Variants in DCTD observed in about 807,000 individuals in gnomAD.
The protein encoded by DCTD is dCMP deaminase, also known as deoxycytidylate deaminase.
Under a neutral mutation model 21.0 loss-of-function variants are expected in DCTD, and 23 were observed. The observed-to-expected ratio is 1.09, with a 90% confidence interval of 0.79 to 1.55. The LOEUF (loss-of-function observed/expected upper bound fraction) is 1.55. Among genes scored for constraint, DCTD ranks in the 40% most tolerant of loss-of-function variants. The pLI is 0.00. For missense variants in DCTD, 224 were observed against 230.0 expected (o/e 0.97, Z 0.17); for synonymous variants, 71 against 81.1 (o/e 0.88, Z 0.67).
At chr4:182,905,701 C>T (rs1425840694) in intron 3 of DCTD, among the ~76,000 whole-genome samples, 1 of 152,178 alleles carries the variant, frequency 6.6e-6, no homozygotes, top group Non-Finnish European at 1.5e-5. Context: ...GCTACTCCTA[C>T]TGCCTCTGCA....
intron 3 of DCTD, among the ~76,000 whole-genome samples, chr4:182,901,920 G>A (rs1003246648): frequency 1.3e-5 from 2 of 152,030 alleles, no homozygotes; most frequent in African/African-American, 4.8e-5. Flanking sequence ...GCTAAACCTG[G>A]ACATGTTGTC....
intron 4 of DCTD, among the ~76,000 whole-genome samples, chr4:182,893,707 G>A (rs997192131): frequency 5.9e-5 from 9 of 152,114 alleles, no homozygotes; most frequent in Non-Finnish European, 8.8e-5. Flanking sequence ...CGGACTGCTC[G>A]GCCCACAGGC....
intron 3 of DCTD, among the ~76,000 whole-genome samples, chr4:182,913,010 G>T (rs1356315652): frequency 1.3e-5 from 2 of 152,148 alleles, no homozygotes; most frequent in African/African-American, 4.8e-5. Context: ...GACTGTGGCC[G>T]TCACACAGTT....
chr4:182,914,842 G>A, intron 3 of DCTD, 81 bp downstream of exon 3: 2 of 1,495,570 alleles, frequency 1.3e-6, no homozygotes, highest in East Asian at 4.5e-5. Flanking sequence ...AAAGGGAGAT[G>A]ATGCCTTCTG....
intron 1 of DCTD, chr4:182,916,341 A>G (rs1392296725): frequency 3.1e-6 from 3 of 978,910 alleles, no homozygotes; most frequent in African/African-American, 3.5e-5. Context: ...GGGTCCTAGG[A>G]CTTCAGGGGA....
Position 182,892,983 on chromosome 4 carries a change from T to G in DCTD, c.458+48A>C. The G allele has an allele frequency of 2.6e-6, 3 of 1,141,154 alleles. No individual in the cohort carries two copies. The Admixed American group carries it at 5.3e-5, about 20-fold the overall frequency. 70.7% of individuals were successfully genotyped at this position (1,141,154 alleles called of 1,614,324 possible). A position where few individuals can be genotyped will look rare whatever the true frequency, so the allele number is the denominator to read the frequency against. ...AGACAAGGTCAAATACATCTCTTCA[T>G]CAGCCTTCACCCTACCCCGTCCCCC... On this transcript the variant is annotated intron_variant, in intron 5 of 5. Coordinates refer to ENST00000438320, the MANE Select transcript of DCTD (RefSeq NM_001921.3).
chr4:182,906,782 T>A (rs1460426070), intron 3 of DCTD, among the ~76,000 whole-genome samples: 1 of 152,236 alleles, frequency 6.6e-6, no homozygotes, highest in Admixed American at 6.5e-5. Flanking sequence ...TGCTCAGTTA[T>A]CATATTCAAT....
intron 3 of DCTD, among the ~76,000 whole-genome samples, chr4:182,894,827 C>T (rs1283344079): frequency 6.6e-6 from 1 of 152,238 alleles, no homozygotes; most frequent in Non-Finnish European, 1.5e-5. Context: ...GCGGCCAGGA[C>T]GGCCGAGGTC....
chr4:182,894,491 G>T lies in DCTD; in HGVS notation c.359C>A (p.Ala120Glu). Residue 120 changes from alanine (A) to glutamate (E), a missense_variant and splice_region_variant, in exon 4 of 6, where the codon GCA becomes GAA. Physicochemically the swap from Ala to Glu is moderately radical, Grantham distance 107. Coordinates refer to ENST00000438320, the MANE Select transcript of DCTD (RefSeq NM_001921.3). ...AAATGGAAAGACCCGGTTCCTACCT[G>T]CCTGGATGATGAGCTTAGCGCATTC... Reference protein sequence around the residue: ...CNECAKLIIQAGIKEVIFMSD... With the variant: ...CNECAKLIIQEGIKEVIFMSD... The T allele has an allele frequency of 6.3e-7, 1 of 1,598,650 alleles. No homozygotes were observed. Among genetic ancestry groups the T allele is most frequent in the Non-Finnish European group, 8.6e-7 (1 of 1,166,002 alleles).
At chr4:182,907,889 G>T (rs1289521932) in intron 3 of DCTD, among the ~76,000 whole-genome samples, 1 of 152,084 alleles carries the variant, frequency 6.6e-6, no homozygotes, top group Non-Finnish European at 1.5e-5. Context: ...ACAGTCACTG[G>T]GCATGAACAT....
At chr4:182,910,467 T>C (rs1737483143) in intron 3 of DCTD, among the ~76,000 whole-genome samples, 1 of 152,184 alleles carries the variant, frequency 6.6e-6, no homozygotes, top group African/African-American at 2.4e-5. Context: ...CTATAATGAA[T>C]TCCACAAAGA....
At chr4:182,891,892 A>C (rs1733818227) in intron 5 of DCTD, among the ~76,000 whole-genome samples, 2 of 152,216 alleles carry the variant, frequency 1.3e-5, no homozygotes, top group Admixed American at 1.3e-4. Context: ...ATATAGCAAA[A>C]AACGACTACC....
rs892328539 is a variant in DCTD at position 182,890,244 on chromosome 4, TAAAG to T, written c.*1151_*1154del. 6 of 152,172 alleles carry T rather than the reference TAAAG, an allele frequency of 3.9e-5. No homozygotes were observed. The highest frequency in any genetic ancestry group is 1.4e-4 in the African/African-American group (6 of 41,424). The allele number at this position is 152,172 out of a possible 1,614,324, so 9.4% of individuals were successfully genotyped here. On this transcript the variant is annotated 3_prime_UTR_variant, in exon 6 of 6. Transcript: ENST00000438320. Reference sequence around the variant, plus strand: ...TTTAAAAAGGTAATAATCTTTAGGATAAAGAAAGCCTTTTCTCAACACAGGTACT... The same window carrying T: ...TTTAAAAAGGTAATAATCTTTAGGATAAAGCCTTTTCTCAACACAGGTACT...
chr4:182,899,869 T>C (rs1735424605), intron 3 of DCTD, among the ~76,000 whole-genome samples: 1 of 152,204 alleles, frequency 6.6e-6, no homozygotes, highest in Non-Finnish European at 1.5e-5. Flanking sequence ...AAATATCTCT[T>C]ATCCAAAATG....
chr4:182,901,824 A>G (rs1288798736), intron 3 of DCTD, among the ~76,000 whole-genome samples: 6 of 150,564 alleles, frequency 4.0e-5, no homozygotes, highest in Non-Finnish European at 8.8e-5. Flanking sequence ...TTCTACTTCC[A>G]TTCTGATGAC....
intron 3 of DCTD, among the ~76,000 whole-genome samples, chr4:182,912,263 A>G (rs976617771): frequency 2.6e-5 from 4 of 152,220 alleles, no homozygotes; most frequent in African/African-American, 9.6e-5. Context: ...TGAGAAGACA[A>G]CAAGTGTACA....
intron 3 of DCTD, among the ~76,000 whole-genome samples, chr4:182,913,100 C>G (rs1421089756): frequency 2.0e-5 from 3 of 152,242 alleles, no homozygotes; most frequent in Non-Finnish European, 4.4e-5. Flanking sequence ...GAAAAATTAT[C>G]TTTGCATGGA....
chr4:182,905,610 G>A (rs2515682), intron 3 of DCTD, among the ~76,000 whole-genome samples: 40,541 of 151,914 alleles, frequency 0.27, 5,561 homozygotes, highest in Non-Finnish European at 0.31. Context: ...CTTTCTTAAA[G>A]CACTGCTCTG....
chr4:182,906,503 G>T (rs185051859), intron 3 of DCTD, among the ~76,000 whole-genome samples: 22 of 152,266 alleles, frequency 1.4e-4, no homozygotes, highest in African/African-American at 4.6e-4. Context: ...ACATGTGATG[G>T]TGTCTGAAAA....
Sources: gnomAD v4.1 joint callset for allele counts (sites outside exome capture counted in the v4.1 genomes callset) on GRCh38, gnomAD v4.1.1 for gene constraint, MANE v1.5 for transcripts, NCBI Gene and HGNC (gene_info 2026-07-23, HGNC 2026-07-21) for gene names.